ARMC9: variants seen among roughly 807,000 people sequenced by gnomAD.
The protein encoded by ARMC9 is armadillo repeat containing 9, also known as lisH domain-containing protein ARMC9.
Under a neutral mutation model 107.0 loss-of-function variants are expected in ARMC9, and 94 were observed. The observed-to-expected ratio is 0.88, with a 90% CI of 0.74 to 1.04. The LOEUF (loss-of-function observed/expected upper bound fraction) is 1.04. Ranked by LOEUF, ARMC9 falls within the 50% of genes least tolerant of loss-of-function variation. The pLI is 0.00. For synonymous variants in ARMC9, 380 were observed against 396.9 expected, an observed-to-expected ratio of 0.96 and a Z score of 0.51; for missense variants, 942 against 1,030.1, an observed-to-expected ratio of 0.91 and a Z score of 1.17.
At chr2:231,211,819 T>C (rs138647673) in intron 3 of ARMC9, among the ~76,000 whole-genome samples, 46 of 152,300 alleles carry the variant, frequency 3.0e-4, no homozygotes, top group African/African-American at 1.1e-3. Context: ...TGAAGTGATA[T>C]CTTGTCATAG....
At chr2:231,316,825 T>C (rs1055264557) in intron 19 of ARMC9, among the ~76,000 whole-genome samples, 3 of 152,168 alleles carry the variant, frequency 2.0e-5, no homozygotes, top group African/African-American at 4.8e-5. Context: ...TACAGTGGCT[T>C]GACCTTGGCT....
intron 19 of ARMC9, among the ~76,000 whole-genome samples, chr2:231,322,115 T>C (rs2043031213): frequency 6.6e-6 from 1 of 152,272 alleles, no homozygotes; most frequent in Non-Finnish European, 1.5e-5. Flanking sequence ...TACCCTGGGC[T>C]GCATTTTTGT....
rs1024676778 is a variant in ARMC9, at chr2:231,360,795, C to A, written c.2173C>A (p.Arg725Ser). The change falls in exon 23 of 25, where the codon CGC becomes AGC. Residue 725 changes from arginine to serine, a missense_variant. Arg to Ser is a moderately radical substitution (Grantham distance 110). Transcript: ENST00000611582. This position sits in a 1 kb window ranked among gnomAD's most constrained non-coding sequence, Gnocchi z 4.7. The part of the protein sequence containing the change: ...AKPGEWLPRG[R>S]QEEPRPAPTG... ...GCCAGGAGAGTGGCTCCCAAGAGGA[C>A]GCCAGGAAGAGCCTCGCCCAGCCCC... 2 of 1,536,030 alleles carry A rather than the reference C, an allele frequency of 1.3e-6. No homozygotes were observed. The highest frequency in any genetic ancestry group is 1.4e-5 in the African/African-American group (1 of 73,056).
At chr2:231,351,996 C>A (rs1178343006) in intron 21 of ARMC9, among the ~76,000 whole-genome samples, 1 of 152,074 alleles carries the variant, frequency 6.6e-6, no homozygotes, top group Non-Finnish European at 1.5e-5. Flanking sequence ...AAGACAGCAT[C>A]TCGCTCTGTC....
At chr2:231,318,690 G>A (rs2042839792) in intron 19 of ARMC9, among the ~76,000 whole-genome samples, 1 of 152,190 alleles carries the variant, frequency 6.6e-6, no homozygotes. Context: ...AGCAAGTACT[G>A]CTTAAGTTGT....
rs540969914 is a variant in ARMC9 at position 231,309,347 on chromosome 2, T to C, written c.1773+13094T>C. Among the ~76,000 whole-genome samples, 82 of 152,364 alleles carry C rather than the reference T, an allele frequency of 5.4e-4. 1 individual carries two copies. The highest frequency in any genetic ancestry group is 1.8e-3 in the African/African-American group (76 of 41,582). ...GGTGCAGAAAAGGTTTTCTCTCTTA[T>C]CTGATTTTTTAAAAATTTTACCAAA... On this transcript the variant is annotated intron_variant, in intron 19 of 24. Transcript: ENST00000611582.
At chr2:231,212,091 G>A (rs1213746745) in intron 3 of ARMC9, among the ~76,000 whole-genome samples, 1 of 152,168 alleles carries the variant, frequency 6.6e-6, no homozygotes, top group Non-Finnish European at 1.5e-5. Context: ...TCAAAAAATA[G>A]TGAGTTTCCC....
At position 231,226,789 on chromosome 2, in the gene ARMC9, A is replaced by G; in HGVS notation, c.613A>G (p.Ser205Gly). 1 of 1,613,780 alleles carries G rather than the reference A, an allele frequency of 6.2e-7. No homozygotes were observed. Among genetic ancestry groups the G allele is most frequent in the Non-Finnish European group, 8.5e-7 (1 of 1,179,692 alleles). The change falls in exon 7 of 25, where the codon AGT becomes GGT. Residue 205 changes from serine to glycine, a missense_variant. Ser to Gly is a moderately conservative substitution (Grantham distance 56). Coordinates refer to ENST00000611582, the MANE Select transcript of ARMC9 (RefSeq NM_001352754.2). ...TTCATCCCAGAAGGAGAATGGACAAAGTAACAAAGGTAAATCATCTAGATT... is the reference window on the plus strand; with the variant it reads ...TTCATCCCAGAAGGAGAATGGACAAGGTAACAAAGGTAAATCATCTAGATT... ...LLTIYKENGQ[S>G]NKEILQQLHQ...
chr2:231,242,196 CAGTTATTCCTGGTGCTAAGACCCGGG>C (rs1428636952), intron 9 of ARMC9, among the ~76,000 whole-genome samples: 4 of 150,938 alleles, frequency 2.7e-5, no homozygotes, highest in African/African-American at 9.8e-5. Flanking sequence ...CTGCTTCACA[CAGTTATTCCTGGTGCTAAGACCCGGG>C]ATAATCTCTT....
Position 231,331,877 on chromosome 2 carries a change from C to T in ARMC9, c.1858C>T (p.Leu620=), listed in dbSNP as rs144278301. ...CGGAGAACTCTCAGGAGAGAAGCTT[C>T]TGACCACGGAGTACCTGGGGGTAAG... The part of the protein sequence containing the change: ...QLGELSGEKL[L]TTEYLGIMTN... Residue 620 remains leucine, a synonymous_variant, in exon 20 of 25, where the codon CTG becomes TTG. Coordinates refer to ENST00000611582, the MANE Select transcript of ARMC9 (RefSeq NM_001352754.2). 3.3e-5 allele frequency: 54 copies of T among 1,613,666 alleles called. No individual in the cohort carries two copies. The highest frequency in any genetic ancestry group is 5.3e-5 in the African/African-American group (4 of 74,932).
Position 231,249,991 on chromosome 2 carries a change from C to G in ARMC9, c.880-6595C>G, listed in dbSNP as rs1321416666. Among the ~76,000 whole-genome samples, 3 of 149,760 alleles carry G rather than the reference C, an allele frequency of 2.0e-5. No homozygotes were observed. In the South Asian group the frequency reaches 6.5e-4, roughly 32 times the overall value. On this transcript the variant is annotated intron_variant, in intron 9 of 24. Coordinates refer to ENST00000611582, the MANE Select transcript of ARMC9 (RefSeq NM_001352754.2). Reference sequence around the variant, plus strand: ...TCCACGGGAGGGAGACCACCGCCCACCCGTGCACACCTCCACGGGAGGGAG... The same window carrying G: ...TCCACGGGAGGGAGACCACCGCCCAGCCGTGCACACCTCCACGGGAGGGAG...
intron 6 of ARMC9, among the ~76,000 whole-genome samples, chr2:231,226,024 T>C (rs1451090549): frequency 6.6e-6 from 1 of 152,122 alleles, no homozygotes; most frequent in Non-Finnish European, 1.5e-5. Flanking sequence ...ACCTGGCTGA[T>C]TTTTGCATTT....
chr2:231,265,955 G>C (rs754234384), intron 12 of ARMC9, among the ~76,000 whole-genome samples: 3 of 150,472 alleles, frequency 2.0e-5, no homozygotes, highest in Admixed American at 6.6e-5. Flanking sequence ...CTGAGATTGC[G>C]CCACTGGACT....
rs2038094870 is a variant in ARMC9, at chr2:231,258,999, A to G, written c.923A>G (p.Lys308Arg). ...CTTGTGTTGCTGAGTAGGAAATTGAAGGATGTCCCATTACTGCCCTCCTTG... is the reference window on the plus strand; with the variant it reads ...CTTGTGTTGCTGAGTAGGAAATTGAGGGATGTCCCATTACTGCCCTCCTTG... ...LRASLAPVKL[K>R]DVPLLPSLDY... The change falls in exon 11 of 25, where the codon AAG becomes AGG. Residue 308 changes from lysine to arginine, a missense_variant. Coordinates refer to ENST00000611582, the MANE Select transcript of ARMC9 (RefSeq NM_001352754.2). 2 of 1,613,026 alleles carry G rather than the reference A, an allele frequency of 1.2e-6. No homozygotes were observed. Among genetic ancestry groups the G allele is most frequent in the South Asian group, 2.2e-5 (2 of 91,034 alleles).
intron 12 of ARMC9, among the ~76,000 whole-genome samples, chr2:231,266,766 CAT>C (rs1388391097): frequency 6.6e-6 from 1 of 152,160 alleles, no homozygotes; most frequent in Non-Finnish European, 1.5e-5. Context: ...ATCCACGTAG[CAT>C]ATGTCAGAAT....
intron 20 of ARMC9, among the ~76,000 whole-genome samples, chr2:231,334,742 G>A (rs144210446): frequency 5.3e-5 from 8 of 152,220 alleles, no homozygotes; most frequent in East Asian, 1.9e-4. Flanking sequence ...CCTGTCACCC[G>A]GTCTTGTGAT....
chr2:231,296,225 CTGATGA>C lies in ARMC9; in HGVS notation c.1752_1757del (p.Asp584_Asp585del). ...GAGCTACCAGATGGTGTTCTTGAAT[CTGATGA>C]TGATGAAGATGAAGATGATGAAGTA... On this transcript the variant is annotated inframe_deletion, in exon 19 of 25. Transcript: ENST00000611582. The C allele has an allele frequency of 6.2e-7, 1 of 1,613,388 alleles. No individual in the cohort carries two copies. Among genetic ancestry groups the C allele is most frequent in the South Asian group, 1.1e-5 (1 of 90,950 alleles).
intron 1 of ARMC9, among the ~76,000 whole-genome samples, chr2:231,205,369 CA>C (rs966954562): frequency 9.4e-5 from 14 of 149,196 alleles, no homozygotes; most frequent in Non-Finnish European, 1.8e-4. Flanking sequence ...GATCCCATCT[CA>C]AAAAAAAAAT....
At chr2:231,252,944 G>A (rs1435433802) in intron 9 of ARMC9, among the ~76,000 whole-genome samples, 1 of 151,356 alleles carries the variant, frequency 6.6e-6, no homozygotes, top group Non-Finnish European at 1.5e-5. Context: ...CCAGCTAGAT[G>A]AATAATTTAG....
Sources: allele counts gnomAD v4.1 joint callset (sites outside exome capture counted in the v4.1 genomes callset), GRCh38; gene constraint gnomAD v4.1.1; non-coding constraint Gnocchi (gnomAD v3.1); transcripts MANE v1.5; gene names NCBI Gene and HGNC (gene_info 2026-07-23, HGNC 2026-07-21).